Variants in SPTY2D1 observed in about 807,000 individuals in gnomAD.
SPTY2D1 encodes SPT2 chromatin protein domain containing 1.
A neutral mutation model predicts 64.0 loss-of-function variants in SPTY2D1; 21 were observed. That is an observed-to-expected ratio of 0.33 (90% CI 0.23 to 0.47). The LOEUF is 0.47. Ranked by LOEUF, SPTY2D1 falls within the 20% of genes least tolerant of loss-of-function variation. The pLI, the probability that SPTY2D1 is intolerant of heterozygous loss-of-function variation, is 1.00. For missense variants in SPTY2D1, 724 were observed against 837.2 expected, an observed-to-expected ratio of 0.86 and a Z score of 1.67; for synonymous variants, 287 against 286.8, an observed-to-expected ratio of 1.00 and a Z score of -0.01.
intron 1 of SPTY2D1, among the ~76,000 whole-genome samples, chr11:18,630,794 G>T (rs1854574756): frequency 6.6e-6 from 1 of 151,956 alleles, no homozygotes; most frequent in Admixed American, 6.6e-5. Context: ...GGGCAGGGAG[G>T]GATGTAGCTG....
chr11:18,625,838 T>A (rs1222005290), intron 1 of SPTY2D1, among the ~76,000 whole-genome samples: 1 of 147,348 alleles, frequency 6.8e-6, no homozygotes, highest in Non-Finnish European at 1.5e-5. Flanking sequence ...TTTTTTGAGA[T>A]GGAGTCTCGC....
At chr11:18,614,212 C>T (rs957995137) in intron 3 of SPTY2D1, among the ~76,000 whole-genome samples, 2 of 152,120 alleles carry the variant, frequency 1.3e-5, no homozygotes, top group Non-Finnish European at 2.9e-5. Flanking sequence ...TCTCTGAGCC[C>T]CGGAGTTAGA....
intron 5 of SPTY2D1, among the ~76,000 whole-genome samples, chr11:18,610,667 TA>T (rs58363516): frequency 0.072 from 6,929 of 96,718 alleles, 695 homozygotes; most frequent in African/African-American, 0.24. Context: ...CCCTGTCTCT[TA>T]AAAAAAAAAA....
At chr11:18,623,665 G>A (rs1854452805) in intron 1 of SPTY2D1, among the ~76,000 whole-genome samples, 4 of 152,208 alleles carry the variant, frequency 2.6e-5, no homozygotes, top group African/African-American at 9.6e-5. Flanking sequence ...AAGAAAAGGA[G>A]TTCTATCTCA....
Position 18,615,780 on chromosome 11 carries a change from G to C in SPTY2D1, c.494C>G (p.Pro165Arg), listed in dbSNP as rs375747703. 1.6e-5 allele frequency: 26 copies of C among 1,613,918 alleles called. No individual in the cohort carries two copies. The African/African-American group carries it at 3.1e-4, about 19-fold the overall frequency. ...KPKVPLKSAP[P>R]PMNFTDLLRL... ...GAGTAAATCAGTGAAGTTCATGGGT[G>C]GTGGGGCACTTTTAAGGGGGACCTT... Residue 165 changes from proline (P) to arginine (R), a missense_variant, in exon 3 of 6, where the codon CCA (proline) becomes CGA (arginine). By Grantham distance (103) the Pro-to-Arg change is moderately radical. Coordinates refer to ENST00000336349, the MANE Select transcript of SPTY2D1 (RefSeq NM_194285.3).
intron 1 of SPTY2D1, among the ~76,000 whole-genome samples, chr11:18,625,759 G>A (rs373571638): frequency 1.5e-4 from 23 of 149,608 alleles, no homozygotes; most frequent in African/African-American, 4.4e-4. Flanking sequence ...TAGAGATTGG[G>A]GGGGGGGTCT....
chr11:18,622,228 T>C (rs576092623), intron 1 of SPTY2D1, among the ~76,000 whole-genome samples: 1 of 152,126 alleles, frequency 6.6e-6, no homozygotes, highest in East Asian at 1.9e-4. Flanking sequence ...ATCTTTATAT[T>C]TTTGGAAATA....
chr11:18,617,017 A>C, intron 1 of SPTY2D1, 28 bp from the exon 2 acceptor site: 1 of 1,592,168 alleles, frequency 6.3e-7, no homozygotes, highest in Non-Finnish European at 8.6e-7. Flanking sequence ...AAAAGTTAGA[A>C]GCAATTCAAC....
chr11:18,610,816 T>TA (rs1175813134), intron 5 of SPTY2D1, among the ~76,000 whole-genome samples: 1 of 152,170 alleles, frequency 6.6e-6, no homozygotes, highest in Non-Finnish European at 1.5e-5. Flanking sequence ...CCAGCAATGT[T>TA]ACAGGTTACC....
intron 3 of SPTY2D1, among the ~76,000 whole-genome samples, chr11:18,614,198 C>T (rs1307128130): frequency 2.0e-5 from 3 of 152,200 alleles, no homozygotes; most frequent in Non-Finnish European, 4.4e-5. Flanking sequence ...CTGAGGAAGG[C>T]GGATCTCTGA....
At chr11:18,618,270 T>C (rs948230696) in intron 1 of SPTY2D1, among the ~76,000 whole-genome samples, 1 of 152,218 alleles carries the variant, frequency 6.6e-6, no homozygotes, top group African/African-American at 2.4e-5. Context: ...ACTGTAGCTC[T>C]TATGTTCACT....
intron 1 of SPTY2D1, among the ~76,000 whole-genome samples, chr11:18,619,733 G>A (rs1241774570): frequency 2.6e-5 from 4 of 152,100 alleles, no homozygotes; most frequent in African/African-American, 9.7e-5. Flanking sequence ...CTCCAGCCTG[G>A]TGACAGAGCA....
At chr11:18,630,199 G>A (rs180949876) in intron 1 of SPTY2D1, among the ~76,000 whole-genome samples, 5 of 151,782 alleles carry the variant, frequency 3.3e-5, no homozygotes, top group East Asian at 1.9e-4. Flanking sequence ...AGCTCTGGCC[G>A]GGCATGGTGG....
intron 1 of SPTY2D1, among the ~76,000 whole-genome samples, chr11:18,631,174 ACTCT>A (rs367948291): frequency 9.2e-5 from 14 of 152,030 alleles, no homozygotes; most frequent in African/African-American, 2.9e-4. Flanking sequence ...ATAGTCCCCA[ACTCT>A]CTCTTTGTTT....
rs569491974 is a variant in SPTY2D1 at position 18,606,679 on chromosome 11, T to C, written c.*3182A>G. On this transcript the variant is annotated 3_prime_UTR_variant, in exon 6 of 6. Coordinates refer to ENST00000336349, the MANE Select transcript of SPTY2D1 (RefSeq NM_194285.3). ...ATAAATAGTAGTCTAATATATTCAATACATTGAAAATAAAACAACCAGTCT... is the reference window on the plus strand; with the variant it reads ...ATAAATAGTAGTCTAATATATTCAACACATTGAAAATAAAACAACCAGTCT... 1.9e-4 allele frequency: 79 copies of C among 410,134 alleles called. No individual in the cohort carries two copies. The highest frequency in any genetic ancestry group is 1.6e-3 in the African/African-American group (74 of 46,576). The allele number at this position is 410,134 out of a possible 1,614,324, so 25.4% of individuals were successfully genotyped here.
At chr11:18,632,342 ATATTATCTATTGATTT>A (rs927118978) in intron 1 of SPTY2D1, among the ~76,000 whole-genome samples, 100 of 151,874 alleles carry the variant, frequency 6.6e-4, no homozygotes, top group Middle Eastern at 3.4e-3. Context: ...ATATATGGCT[ATATTATCTATTGATTT>A]TTTTTTTTTT....
At chr11:18,613,677 C>T (rs557652504) in intron 3 of SPTY2D1, among the ~76,000 whole-genome samples, 110 of 152,216 alleles carry the variant, frequency 7.2e-4, no homozygotes, top group African/African-American at 2.6e-3. Flanking sequence ...TCATTGGTTC[C>T]TTTTTATATT....
intron 1 of SPTY2D1, among the ~76,000 whole-genome samples, chr11:18,632,585 G>C (rs190013915): frequency 1.4e-4 from 22 of 152,180 alleles, no homozygotes; most frequent in African/African-American, 5.3e-4. Context: ...CTGACTTCAG[G>C]TGATTCTCCC....
In SPTY2D1 at chr11:18,612,565, G is replaced by C; in HGVS notation, c.1712-77C>G. ...AGTTCTATGTAAACTGAAATTGTGA[G>C]TCATCATTAAGATGGTATCCTTTAA... On this transcript the variant is annotated intron_variant, in intron 3 of 5. Coordinates refer to ENST00000336349, the MANE Select transcript of SPTY2D1 (RefSeq NM_194285.3). The surrounding 1 kb of genome is among the most constrained non-coding windows in gnomAD (Gnocchi z 4.6). 1 of 1,305,262 alleles carries C rather than the reference G, an allele frequency of 7.7e-7. No homozygotes were observed. The highest frequency in any genetic ancestry group is 1.0e-6 in the Non-Finnish European group (1 of 976,218). The allele number at this position is 1,305,262 out of a possible 1,614,324, so 80.9% of individuals were successfully genotyped here. A position where few individuals can be genotyped will look rare whatever the true frequency, so the allele number is the denominator to read the frequency against.
Sources: allele counts gnomAD v4.1 joint callset (sites outside exome capture counted in the v4.1 genomes callset), GRCh38; gene constraint gnomAD v4.1.1; non-coding constraint Gnocchi (gnomAD v3.1); transcripts MANE v1.5; gene names NCBI Gene and HGNC (gene_info 2026-07-23, HGNC 2026-07-21).